TRIM26: variants seen among roughly 807,000 people sequenced by gnomAD.
TRIM26 encodes the protein tripartite motif-containing protein 26.
In TRIM26, 16 loss-of-function variants were observed where a neutral mutation model predicts 45.5. That is an observed-to-expected ratio of 0.35 (90% CI 0.24 to 0.53). The LOEUF (loss-of-function observed/expected upper bound fraction) is 0.53, where lower values mean the gene tolerates loss of function less well. TRIM26 is among the 20% of genes least tolerant of loss of function. The pLI is 0.92. For synonymous variants in TRIM26, 273 were observed against 290.4 expected, an observed-to-expected ratio of 0.94 and a Z score of 0.61; for missense variants, 442 against 691.1, an observed-to-expected ratio of 0.64 and a Z score of 4.04.
intron 6 of TRIM26, among the ~76,000 whole-genome samples, chr6:30,195,229 A>C (rs1360098291): frequency 6.6e-6 from 1 of 152,136 alleles, no homozygotes; most frequent in East Asian, 1.9e-4. Flanking sequence ...TCCACACAGT[A>C]GGCATTCACA....
chr6:30,185,755 G>C lies in TRIM26; in HGVS notation c.*121C>G, dbSNP rs1775089745. ...CACAGCAATGGGGAGGTGGCTACCA[G>C]TGGATATGGGGTCCCCTGCTCCAGG... On this transcript the variant is annotated 3_prime_UTR_variant, in exon 10 of 10. Coordinates refer to ENST00000454678, the MANE Select transcript of TRIM26 (RefSeq NM_003449.5). The surrounding 1 kb of genome is among the most constrained non-coding windows in gnomAD (Gnocchi z 5.7). 1 of 1,129,172 alleles carries C rather than the reference G, an allele frequency of 8.9e-7. No individual in the cohort carries two copies. Among genetic ancestry groups the C allele is most frequent in the Non-Finnish European group, 1.2e-6 (1 of 801,368 alleles). The allele number at this position is 1,129,172 out of a possible 1,614,324, so 69.9% of individuals were successfully genotyped here. A position where few individuals can be genotyped will look rare whatever the true frequency, so the allele number is the denominator to read the frequency against.
Position 30,189,210 on chromosome 6 carries a change from A to G in TRIM26, c.905-11T>C. 1 of 1,613,056 alleles carries G rather than the reference A, an allele frequency of 6.2e-7. No individual in the cohort carries two copies. Among genetic ancestry groups the G allele is most frequent in the Non-Finnish European group, 8.5e-7 (1 of 1,180,014 alleles). On this transcript the variant is annotated splice_polypyrimidine_tract_variant and intron_variant, in intron 8 of 9. Transcript: ENST00000454678. The surrounding 1 kb of genome is among the most constrained non-coding windows in gnomAD (Gnocchi z 5.0). ...CTCTCAGCAGCTTCCCTGGGGAGAAAAAAGGACAGCAATGACTCAAGTCCC... is the reference window on the plus strand; with the variant it reads ...CTCTCAGCAGCTTCCCTGGGGAGAAGAAAGGACAGCAATGACTCAAGTCCC...
rs1372609723 is a variant in TRIM26 at position 30,185,134 on chromosome 6, CTAGAGA to C, written c.*736_*741del. The stretch of plus-strand genomic sequence containing the variant: ...TAAAACTCCCCTCACAAGGACCAAT[CTAGAGA>C]TAATTTATTGATCAGTGATCACAGC... On this transcript the variant is annotated 3_prime_UTR_variant, in exon 10 of 10. Coordinates refer to ENST00000454678, the MANE Select transcript of TRIM26 (RefSeq NM_003449.5). The surrounding 1 kb of genome is among the most constrained non-coding windows in gnomAD (Gnocchi z 5.7). 6.6e-6 allele frequency: 1 copy of C among 152,172 alleles called. No individual in the cohort carries two copies. The highest frequency in any genetic ancestry group is 2.4e-5 in the African/African-American group (1 of 41,430). The allele number at this position is 152,172 out of a possible 1,614,324, so 9.4% of individuals were successfully genotyped here. A position where few individuals can be genotyped will look rare whatever the true frequency, so the allele number is the denominator to read the frequency against.
chr6:30,204,517 C>A (rs1194868966), intron 2 of TRIM26, 139 bp downstream of exon 2: 1 of 152,182 alleles, frequency 6.6e-6, no homozygotes, highest in Non-Finnish European at 1.5e-5. Context: ...TAGAGGATCT[C>A]AAGATTTCAG....
At chr6:30,210,613 C>A (rs974752339) in intron 1 of TRIM26, among the ~76,000 whole-genome samples, 1 of 152,222 alleles carries the variant, frequency 6.6e-6, no homozygotes, top group African/African-American at 2.4e-5. Flanking sequence ...TCAGGAGATG[C>A]ATTCCAAAAC....
chr6:30,199,053 G>A lies in TRIM26; in HGVS notation c.51C>T (p.Ser17=). The A allele has an allele frequency of 6.3e-7, 1 of 1,597,858 alleles. No homozygotes were observed. The highest frequency in any genetic ancestry group is 2.2e-5 in the East Asian group (1 of 44,536). Residue 17 remains serine, a synonymous_variant, in exon 4 of 10, where the codon TCC becomes TCT. Coordinates refer to ENST00000454678, the MANE Select transcript of TRIM26 (RefSeq NM_003449.5). ...GGTCCCGCAGGTAATCAAGACAGAT[G>A]GAGCAGGTCACCTCCTCTTCCAGGC... ...LRSLEEEVTC[S]ICLDYLRDPV... is the part of the protein sequence containing the mutation.
intron 6 of TRIM26, among the ~76,000 whole-genome samples, chr6:30,195,277 C>T (rs1049036867): frequency 2.6e-5 from 4 of 152,026 alleles, no homozygotes; most frequent in African/African-American, 4.8e-5. Context: ...AGAAGAGAAA[C>T]GGGCAAAAGG....
chr6:30,191,010 T>C (rs570550395), intron 6 of TRIM26, among the ~76,000 whole-genome samples: 35 of 151,520 alleles, frequency 2.3e-4, no homozygotes, highest in African/African-American at 7.5e-4. Flanking sequence ...AAGAGGAACA[T>C]GGGGAGGTTG....
At chr6:30,188,877 G>C (rs553501176) in intron 9 of TRIM26, among the ~76,000 whole-genome samples, 2 of 152,242 alleles carry the variant, frequency 1.3e-5, no homozygotes, top group South Asian at 4.1e-4. Context: ...GAAGATGAGA[G>C]AAAGCTCGGC....
chr6:30,193,182 A>ATATATATAT (rs9280916), intron 6 of TRIM26, among the ~76,000 whole-genome samples: 2 of 38,808 alleles, frequency 5.2e-5, no homozygotes, highest in Non-Finnish European at 8.7e-5. Context: ...ATATATATAT[A>ATATATATAT]TTTTTTTTTT....
rs749319509 is a variant in TRIM26 at position 30,196,649 on chromosome 6, G to A, written c.632C>T (p.Ala211Val). 26 of 1,614,016 alleles carry A rather than the reference G, an allele frequency of 1.6e-5. No homozygotes were observed. Among genetic ancestry groups the A allele is most frequent in the African/African-American group, 6.7e-5 (5 of 74,936 alleles). The change falls in exon 6 of 10, where the codon GCG (alanine) becomes GTG (valine). Residue 211 changes from alanine to valine, a missense_variant. Coordinates refer to ENST00000454678, the MANE Select transcript of TRIM26 (RefSeq NM_003449.5). This position sits in a 1 kb window ranked among gnomAD's most constrained non-coding sequence, Gnocchi z 4.9. Reference protein sequence around the residue: ...EREEHLLEQLAKLEQELTEGR... With the variant: ...EREEHLLEQLVKLEQELTEGR... ...CTCCGTGAGCTCCTGCTCCAGCTTC[G>A]CCAGCTGTTCCAGCAGGTGTTCCTC...
At chr6:30,195,479 T>C (rs1245166893) in intron 6 of TRIM26, among the ~76,000 whole-genome samples, 4 of 151,976 alleles carry the variant, frequency 2.6e-5, no homozygotes, top group Non-Finnish European at 5.9e-5. Context: ...GACAAACTCC[T>C]CCCACTCTCT....
chr6:30,194,025 TGA>T (rs1776217895), intron 6 of TRIM26, among the ~76,000 whole-genome samples: 1 of 152,194 alleles, frequency 6.6e-6, no homozygotes, highest in African/African-American at 2.4e-5. Context: ...GAAAACAGTA[TGA>T]GAGTTTCTCA....
chr6:30,187,305 T>C (rs1409780012), intron 9 of TRIM26: 1 of 308,310 alleles, frequency 3.2e-6, no homozygotes, highest in African/African-American at 2.3e-5. Context: ...TCAGCAATTT[T>C]ATTGCACAAA....
intron 1 of TRIM26, among the ~76,000 whole-genome samples, chr6:30,205,761 G>A (rs2523712): frequency 0.064 from 9,764 of 152,234 alleles, 464 homozygotes; most frequent in Non-Finnish European, 0.1. Context: ...AGGATCTCCC[G>A]AGCCCGGGAA....
At chr6:30,202,752 G>A (rs1777312255) in intron 2 of TRIM26, among the ~76,000 whole-genome samples, 1 of 152,158 alleles carries the variant, frequency 6.6e-6, no homozygotes, top group Non-Finnish European at 1.5e-5. Flanking sequence ...AAGTACCGAT[G>A]GAGGAATTAA....
chr6:30,193,860 G>A (rs1209037961), intron 6 of TRIM26, among the ~76,000 whole-genome samples: 2 of 152,034 alleles, frequency 1.3e-5, no homozygotes, highest in African/African-American at 4.8e-5. Context: ...CTTTCTTGAT[G>A]TCTTTTTTAG....
intron 3 of TRIM26, among the ~76,000 whole-genome samples, chr6:30,199,904 G>A (rs913087776): frequency 6.6e-6 from 1 of 152,060 alleles, no homozygotes; most frequent in African/African-American, 2.4e-5. Flanking sequence ...CCAAAGTGCT[G>A]GGATTACAGG....
In TRIM26 at chr6:30,196,662, G is replaced by A; in HGVS notation, c.619C>T (p.Leu207=). Residue 207 remains leucine, a synonymous_variant, in exon 6 of 10, where the codon CTG becomes TTG. Coordinates refer to ENST00000454678, the MANE Select transcript of TRIM26 (RefSeq NM_003449.5). The surrounding 1 kb of genome is among the most constrained non-coding windows in gnomAD (Gnocchi z 4.9). ...TGCTCCAGCTTCGCCAGCTGTTCCA[G>A]CAGGTGTTCCTCCCGCTCCCTCAGG... ...QFLREREEHL[L]EQLAKLEQEL... The A allele has an allele frequency of 6.2e-7, 1 of 1,614,218 alleles. No individual in the cohort carries two copies. The highest frequency in any genetic ancestry group is 8.5e-7 in the Non-Finnish European group (1 of 1,180,034).
Sources: allele counts gnomAD v4.1 joint callset (sites outside exome capture counted in the v4.1 genomes callset), GRCh38; gene constraint gnomAD v4.1.1; non-coding constraint Gnocchi (gnomAD v3.1); transcripts MANE v1.5; gene names NCBI Gene and HGNC (gene_info 2026-07-23, HGNC 2026-07-21).